The following GPBP1L1 variants were observed in gnomAD, a reference collection of about 807,000 sequenced individuals.
The protein encoded by GPBP1L1 is vasculin-like protein 1.
A neutral mutation model predicts 52.5 loss-of-function variants in GPBP1L1; 23 were observed. The ratio of observed to expected loss-of-function variants is 0.44; its 90% CI spans 0.32 to 0.62. The LOEUF (loss-of-function observed/expected upper bound fraction) is 0.62, where lower values mean the gene tolerates loss of function less well. Ranked by LOEUF, GPBP1L1 falls within the 20% of genes least tolerant of loss-of-function variation. The pLI is 0.06. For synonymous variants in GPBP1L1, 243 were observed against 203.1 expected, an observed-to-expected ratio of 1.20 and a Z score of -1.67; for missense variants, 596 against 579.3, an observed-to-expected ratio of 1.03 and a Z score of -0.30.
intron 8 of GPBP1L1, among the ~76,000 whole-genome samples, chr1:45,636,885 G>C (rs1322333166): frequency 1.3e-5 from 2 of 152,168 alleles, no homozygotes; most frequent in Non-Finnish European, 2.9e-5. Context: ...AGTAGAAAGA[G>C]CCCTGGTTTT....
At chr1:45,673,954 T>A (rs1645107285) in intron 2 of GPBP1L1, among the ~76,000 whole-genome samples, 2 of 152,206 alleles carry the variant, frequency 1.3e-5, no homozygotes, top group Admixed American at 6.5e-5. Flanking sequence ...GGCCCAGGCT[T>A]GTAATTCCAG....
intron 2 of GPBP1L1, among the ~76,000 whole-genome samples, chr1:45,683,157 T>A (rs955590738): frequency 6.7e-6 from 1 of 149,292 alleles, no homozygotes; most frequent in Non-Finnish European, 1.5e-5. Flanking sequence ...ACCATAACAG[T>A]CAAGTTAAAC....
chr1:45,653,845 C>G (rs1408903601), intron 6 of GPBP1L1, among the ~76,000 whole-genome samples: 1 of 151,592 alleles, frequency 6.6e-6, no homozygotes, highest in Non-Finnish European at 1.5e-5. Flanking sequence ...ATTATAGGCA[C>G]TTGCCACCAA....
intron 4 of GPBP1L1, among the ~76,000 whole-genome samples, chr1:45,657,088 G>A (rs990850129): frequency 2.6e-5 from 4 of 152,132 alleles, no homozygotes; most frequent in African/African-American, 9.7e-5. Flanking sequence ...ATGAAAGAAT[G>A]TCTTCTAATT....
At chr1:45,678,767 G>A (rs1481862678) in intron 2 of GPBP1L1, among the ~76,000 whole-genome samples, 1 of 152,140 alleles carries the variant, frequency 6.6e-6, no homozygotes, top group Non-Finnish European at 1.5e-5. Flanking sequence ...TGGATAGCTA[G>A]CTGTAATAAA....
rs1178670185 is a variant in GPBP1L1 at position 45,660,839 on chromosome 1, T to TA, written c.-712dup. 2.0e-5 allele frequency: 3 copies of TA among 151,948 alleles called. No homozygotes were observed. Among genetic ancestry groups the TA allele is most frequent in the East Asian group, 3.9e-4 (2 of 5,194 alleles). 9.4% of individuals were successfully genotyped at this position (151,948 alleles called of 1,614,324 possible). A position where few individuals can be genotyped will look rare whatever the true frequency, so the allele number is the denominator to read the frequency against. ...AAATCTTGTCTTTGTTAAAAAAAAA[T>TA]AAAAAATAAAAATAGACAGGAATTT... On this transcript the variant is annotated 5_prime_UTR_variant, in exon 3 of 13. Coordinates refer to ENST00000355105, the MANE Select transcript of GPBP1L1 (RefSeq NM_021639.5).
At chr1:45,657,672 G>A (rs964548402) in intron 4 of GPBP1L1, among the ~76,000 whole-genome samples, 1 of 152,126 alleles carries the variant, frequency 6.6e-6, no homozygotes, top group African/African-American at 2.4e-5. Flanking sequence ...GCAACATGGT[G>A]AGACCCTATC....
chr1:45,649,411 ATGT>A (rs1644793239), intron 6 of GPBP1L1, among the ~76,000 whole-genome samples: 1 of 151,404 alleles, frequency 6.6e-6, no homozygotes, highest in Non-Finnish European at 1.5e-5. Flanking sequence ...CTAGGTTTAC[ATGT>A]TGTTTTTAGT....
intron 2 of GPBP1L1, among the ~76,000 whole-genome samples, chr1:45,666,670 G>C (rs1310044498): frequency 2.6e-5 from 4 of 152,148 alleles, no homozygotes; most frequent in Non-Finnish European, 5.9e-5. Context: ...TAAACACTGA[G>C]GCACCATATG....
intron 4 of GPBP1L1, among the ~76,000 whole-genome samples, chr1:45,657,458 C>G (rs140740512): frequency 0.013 from 1,955 of 152,166 alleles, 17 homozygotes; most frequent in Non-Finnish European, 0.021. Flanking sequence ...ATCGCCTGAG[C>G]CAGGGAAGTC....
chr1:45,640,580 A>C (rs1644659444), intron 7 of GPBP1L1, among the ~76,000 whole-genome samples, 177 bp from the exon 8 acceptor site: 1 of 152,254 alleles, frequency 6.6e-6, no homozygotes, highest in Admixed American at 6.5e-5. Context: ...CAGGAACTGT[A>C]CAAAAAAATG....
chr1:45,640,381 T>A lies in GPBP1L1; in HGVS notation c.573A>T (p.Gln191His). The A allele has an allele frequency of 6.2e-7, 1 of 1,613,896 alleles. No homozygotes were observed. The highest frequency in any genetic ancestry group is 8.5e-7 in the Non-Finnish European group (1 of 1,179,986). ...GVWENPPSAK[Q>H]PSKMLVIKKV... The stretch of plus-strand genomic sequence containing the variant: ...TTTTGATAACTAGCATCTTGGAGGG[T>A]TGCTTGGCACTAGGCGGGTTTTCTG... Residue 191 changes from glutamine (Q) to histidine (H), a missense_variant, in exon 8 of 13, where the codon CAA becomes CAT. Coordinates refer to ENST00000355105, the MANE Select transcript of GPBP1L1 (RefSeq NM_021639.5).
At position 45,646,804 on chromosome 1, in the gene GPBP1L1, C is replaced by G. The variant is rs540331522; in HGVS notation, c.478-4305G>C. ...GATCTCCTGACCTCGTGATCTGCCCCCCTCGGCCTCCCAAACTGCTGGGAT... is the reference window on the plus strand; with the variant it reads ...GATCTCCTGACCTCGTGATCTGCCCGCCTCGGCCTCCCAAACTGCTGGGAT... On this transcript the variant is annotated intron_variant, in intron 6 of 12. Transcript: ENST00000355105. Among the ~76,000 whole-genome samples, 14 of 152,054 alleles carry G rather than the reference C, an allele frequency of 9.2e-5. No individual in the cohort carries two copies. The South Asian group carries it at 1.0e-3, about 11-fold the overall frequency.
intron 2 of GPBP1L1, among the ~76,000 whole-genome samples, chr1:45,670,686 C>G (rs541598994): frequency 4.6e-5 from 7 of 152,062 alleles, no homozygotes; most frequent in Non-Finnish European, 8.8e-5. Flanking sequence ...CTGATTTATA[C>G]AGCCAGCTCT....
Position 45,659,066 on chromosome 1 carries a change from G to C in GPBP1L1, c.22C>G (p.Pro8Ala). ...GGTGTTGAGAAATTTAGCCAAGCAGGAACAAAATCATGCTGCGCCATTTAG... is the reference window on the plus strand; with the variant it reads ...GGTGTTGAGAAATTTAGCCAAGCAGCAACAAAATCATGCTGCGCCATTTAG... MAQHDFV[P>A]AWLNFSTPQS... Residue 8 changes from proline to alanine, a missense_variant, in exon 4 of 13, where the codon CCT becomes GCT. Coordinates refer to ENST00000355105, the MANE Select transcript of GPBP1L1 (RefSeq NM_021639.5). The C allele has an allele frequency of 6.2e-7, 1 of 1,614,012 alleles. No individual in the cohort carries two copies. Among genetic ancestry groups the C allele is most frequent in the Non-Finnish European group, 8.5e-7 (1 of 1,179,892 alleles).
intron 6 of GPBP1L1, among the ~76,000 whole-genome samples, chr1:45,648,113 A>AT (rs1306949364): frequency 6.6e-6 from 1 of 151,856 alleles, no homozygotes; most frequent in Non-Finnish European, 1.5e-5. Flanking sequence ...TAATTTTTAA[A>AT]TTTTTTGTAG....
chr1:45,658,086 T>C (rs1444975682), intron 4 of GPBP1L1, among the ~76,000 whole-genome samples: 1 of 152,230 alleles, frequency 6.6e-6, no homozygotes, highest in Non-Finnish European at 1.5e-5. Context: ...GCTGATTCTT[T>C]TGTGTACTGT....
At chr1:45,638,442 T>C (rs1320664924) in intron 8 of GPBP1L1, among the ~76,000 whole-genome samples, 2 of 152,244 alleles carry the variant, frequency 1.3e-5, no homozygotes, top group African/African-American at 4.8e-5. Flanking sequence ...GTTATTTTCC[T>C]CAACTTGTTA....
At chr1:45,629,946 CAG>C (rs1644508762) in intron 11 of GPBP1L1, among the ~76,000 whole-genome samples, 1 of 150,230 alleles carries the variant, frequency 6.7e-6, no homozygotes, top group African/African-American at 2.4e-5. Context: ...AGAGCACTTG[CAG>C]TCTGGCTTTT....
Sources: allele counts gnomAD v4.1 joint callset (sites outside exome capture counted in the v4.1 genomes callset), GRCh38; gene constraint gnomAD v4.1.1; transcripts MANE v1.5; gene names NCBI Gene and HGNC (gene_info 2026-07-23, HGNC 2026-07-21).